ERICH3: variants seen among roughly 807,000 people sequenced by gnomAD.
The protein encoded by ERICH3 is glutamate-rich protein 3.
A neutral mutation model predicts 131.1 loss-of-function variants in ERICH3; 126 were observed. That is an observed-to-expected ratio of 0.96 (90% CI 0.83 to 1.11). The LOEUF is 1.11. Ranked by LOEUF, ERICH3 falls within the 50% of genes most tolerant of loss-of-function variation. The probability of loss-of-function intolerance (pLI) is 0.00; values close to 1 mark genes in which losing one functional copy is unlikely to be tolerated. For synonymous variants in ERICH3, 695 were observed against 644.6 expected (o/e 1.08, Z -1.18); for missense variants, 2,050 against 1,810.7 (o/e 1.13, Z -2.40).
At chr1:74,615,609 G>T (rs1384199838) in intron 8 of ERICH3, among the ~76,000 whole-genome samples, 3 of 152,122 alleles carry the variant, frequency 2.0e-5, no homozygotes, top group Non-Finnish European at 1.5e-5. Context: ...TAATATATCA[G>T]TCTTCTGGAT....
At chr1:74,664,171 A>T (rs72968126) in intron 1 of ERICH3, among the ~76,000 whole-genome samples, 3,311 of 152,192 alleles carry the variant, frequency 0.022, 88 homozygotes, top group African/African-American at 0.062. Flanking sequence ...CAACTTGAAC[A>T]ATAAATAGGA....
intron 4 of ERICH3, among the ~76,000 whole-genome samples, chr1:74,642,509 T>C (rs1179640694): frequency 6.6e-6 from 1 of 152,150 alleles, no homozygotes; most frequent in African/African-American, 2.4e-5. Context: ...GCAAAGAAGA[T>C]ATATTTAAAA....
Position 74,569,079 on chromosome 1 carries a change from C to T in ERICH3, c.*1379G>A, listed in dbSNP as rs1356261287. The T allele has an allele frequency of 6.6e-6, 1 of 152,200 alleles. No individual in the cohort carries two copies. Among genetic ancestry groups the T allele is most frequent in the Non-Finnish European group, 1.5e-5 (1 of 68,028 alleles). The allele number at this position is 152,200 out of a possible 1,614,324, so 9.4% of individuals were successfully genotyped here. A position where few individuals can be genotyped will look rare whatever the true frequency, so the allele number is the denominator to read the frequency against. ...GAAAATACCTACTATGATAATATGCCTGGTCCCTAGGGACCTTGAGTGTAA... is the reference window on the plus strand; with the variant it reads ...GAAAATACCTACTATGATAATATGCTTGGTCCCTAGGGACCTTGAGTGTAA... On this transcript the variant is annotated 3_prime_UTR_variant, in exon 15 of 15. Transcript: ENST00000326665.
At chr1:74,598,385 C>G (rs1032661915) in intron 11 of ERICH3, among the ~76,000 whole-genome samples, 11 of 151,678 alleles carry the variant, frequency 7.3e-5, no homozygotes, top group African/African-American at 2.7e-4. Flanking sequence ...GGGGATATGT[C>G]CCTAACCTTT....
chr1:74,622,705 A>T (rs1649266218), intron 7 of ERICH3: 1 of 152,234 alleles, frequency 6.6e-6, no homozygotes, highest in African/African-American at 2.4e-5. Flanking sequence ...ATACTAGGTA[A>T]TAGTGGGATT....
intron 13 of ERICH3, among the ~76,000 whole-genome samples, chr1:74,576,399 C>A (rs1176668576): frequency 6.6e-6 from 1 of 152,174 alleles, no homozygotes; most frequent in Non-Finnish European, 1.5e-5. Context: ...GATATGGGTT[C>A]TCTAAGATCA....
intron 1 of ERICH3, among the ~76,000 whole-genome samples, chr1:74,671,032 G>A (rs575156861): frequency 7.2e-5 from 11 of 151,900 alleles, no homozygotes; most frequent in East Asian, 3.9e-4. Context: ...GAAAATCTCC[G>A]CCCTGGTAAA....
At chr1:74,606,570 T>C (rs1189554324) in intron 10 of ERICH3, 31 bp downstream of exon 10, 2 of 1,557,110 alleles carry the variant, frequency 1.3e-6, no homozygotes, top group Non-Finnish European at 1.7e-6. Context: ...CAGCCACAGC[T>C]ACAACAAAAG....
upstream of ERICH3, among the ~76,000 whole-genome samples, chr1:74,674,118 C>T (rs1045603692): frequency 6.6e-6 from 1 of 152,188 alleles, no homozygotes; most frequent in Non-Finnish European, 1.5e-5. Flanking sequence ...AAGGACGTCT[C>T]TCAATCTGTT....
intron 7 of ERICH3, among the ~76,000 whole-genome samples, chr1:74,626,372 C>T (rs1649415630): frequency 6.6e-6 from 1 of 152,148 alleles, no homozygotes; most frequent in Non-Finnish European, 1.5e-5. Context: ...ATCAATTGGG[C>T]ATCTGTAATT....
intron 1 of ERICH3, among the ~76,000 whole-genome samples, chr1:74,662,665 T>A (rs1006343980): frequency 1.3e-5 from 2 of 152,148 alleles, no homozygotes; most frequent in African/African-American, 4.8e-5. Flanking sequence ...AAACAAAAGT[T>A]AATTAGAGGC....
At chr1:74,637,337 C>G (rs1646398374) in intron 5 of ERICH3, among the ~76,000 whole-genome samples, 1 of 152,106 alleles carries the variant, frequency 6.6e-6, no homozygotes, top group South Asian at 2.1e-4. Flanking sequence ...GTTCTGGTGT[C>G]CAATTCCTCT....
chr1:74,614,381 A>AT (rs1417207897), intron 8 of ERICH3, among the ~76,000 whole-genome samples: 21 of 151,158 alleles, frequency 1.4e-4, no homozygotes, highest in Non-Finnish European at 2.5e-4. Context: ...AAAAAAAAAA[A>AT]AAAAAAAACT....
chr1:74,642,217 A>T (rs1646443444), intron 4 of ERICH3, among the ~76,000 whole-genome samples: 1 of 152,190 alleles, frequency 6.6e-6, no homozygotes, highest in Non-Finnish European at 1.5e-5. Context: ...TAACAAAATT[A>T]TCTTCTCACC....
rs755318663 is a variant in ERICH3 at position 74,572,527 on chromosome 1, C to T, written c.3183G>A (p.Arg1061=). The change falls in exon 14 of 15, where the codon AGG becomes AGA. Residue 1061 remains arginine, a synonymous_variant. Coordinates refer to ENST00000326665, the MANE Select transcript of ERICH3 (RefSeq NM_001002912.5). The stretch of plus-strand genomic sequence containing the variant: ...GAGATGTTTTTGGCCTCTCAGCTTT[C>T]CTTCGCTCTCTTGCTAAATCTAATT... ...PKELDLARER[R]KAERPKTSLR... is the part of the protein sequence containing the mutation. 2.9e-5 allele frequency: 46 copies of T among 1,613,962 alleles called. No individual in the cohort carries two copies. Among genetic ancestry groups the T allele is most frequent in the Non-Finnish European group, 3.8e-5 (45 of 1,180,022 alleles).
At chr1:74,641,536 T>C (rs1412726598) in intron 4 of ERICH3, 77 bp from the exon 5 acceptor site, 7 of 1,449,426 alleles carry the variant, frequency 4.8e-6, no homozygotes, top group Non-Finnish European at 6.6e-6. Flanking sequence ...ATGTGCGAAA[T>C]ACTATATGAC....
At chr1:74,628,716 C>T (rs1033184576) in intron 7 of ERICH3, among the ~76,000 whole-genome samples, 1 of 151,304 alleles carries the variant, frequency 6.6e-6, no homozygotes, top group African/African-American at 2.4e-5. Context: ...CACACACAGA[C>T]ACACTAAAGA....
intron 5 of ERICH3, among the ~76,000 whole-genome samples, chr1:74,636,737 C>T (rs1269936518): frequency 2.0e-5 from 3 of 152,150 alleles, no homozygotes; most frequent in Non-Finnish European, 4.4e-5. Flanking sequence ...CTGACAATAA[C>T]TAATTTATGC....
chr1:74,641,490 T>C lies in ERICH3; in HGVS notation c.316-31A>G, dbSNP rs987200497. ...ATAAGAAAGCAATTTAGCAAATAGA[T>C]GCATAGTTAGTAATCTAGGTTAGAT... is the stretch of plus-strand genomic sequence containing the variant. On this transcript the variant is annotated intron_variant, in intron 4 of 14. Transcript: ENST00000326665. 4 of 1,603,536 alleles carry C rather than the reference T, an allele frequency of 2.5e-6. No individual in the cohort carries two copies. The African/African-American group carries it at 4.0e-5, about 16-fold the overall frequency.
Sources: gnomAD v4.1 joint callset for allele counts (sites outside exome capture counted in the v4.1 genomes callset) on GRCh38, gnomAD v4.1.1 for gene constraint, MANE v1.5 for transcripts, NCBI Gene and HGNC (gene_info 2026-07-23, HGNC 2026-07-21) for gene names.